PLEKHA5: variants seen among roughly 807,000 people sequenced by gnomAD.
The protein encoded by PLEKHA5 is pleckstrin homology domain containing A5.
PLEKHA5 carries 55 observed loss-of-function variants against 181.9 expected under a neutral mutation model. That is an observed-to-expected ratio of 0.30 (90% confidence interval 0.24 to 0.38). The LOEUF (loss-of-function observed/expected upper bound fraction) is 0.38, where lower values mean the gene tolerates loss of function less well. Among genes scored for constraint, PLEKHA5 ranks in the 10% least tolerant of loss-of-function variants. The probability of loss-of-function intolerance (pLI) is 1.00; values close to 1 mark genes in which losing one functional copy is unlikely to be tolerated. For missense variants in PLEKHA5, 1,432 were observed against 1,549.5 expected (o/e 0.92, Z 1.27); for synonymous variants, 535 against 529.4 (o/e 1.01, Z -0.15).
chr12:19,366,182 G>A, intron 30 of PLEKHA5, 73 bp downstream of exon 30: 2 of 1,278,798 alleles, frequency 1.6e-6, no homozygotes, highest in Non-Finnish European at 2.2e-6. Flanking sequence ...TCCATGGGGA[G>A]ATTCTAAGAA....
intron 15 of PLEKHA5, among the ~76,000 whole-genome samples, chr12:19,295,239 T>G (rs1287677761): frequency 6.6e-6 from 1 of 152,242 alleles, no homozygotes. Flanking sequence ...TAGTTGTTGC[T>G]GAATATTGGA....
In PLEKHA5 at chr12:19,257,484, A is replaced by G; in HGVS notation, c.484A>G (p.Ile162Val). The change falls in exon 6 of 32, where the codon ATT becomes GTT. Residue 162 changes from isoleucine (I) to valine (V), a missense_variant. Physicochemically the swap from Ile to Val is conservative, Grantham distance 29. Coordinates refer to ENST00000429027, the MANE Select transcript of PLEKHA5 (RefSeq NM_001256470.2). ...TAATTTTGGAAAGAGGTCAAATTCA[A>G]TTAAAAGGAATCCTAATGCACCGGT... Reference protein sequence around the residue: ...VHNFGKRSNSIKRNPNAPVVR... With the variant: ...VHNFGKRSNSVKRNPNAPVVR... The G allele has an allele frequency of 3.1e-6, 5 of 1,609,900 alleles. No individual in the cohort carries two copies. In the South Asian group the frequency reaches 3.3e-5, roughly 11 times the overall value.
chr12:19,260,212 T>A (rs2068052825), intron 6 of PLEKHA5, among the ~76,000 whole-genome samples: 1 of 152,216 alleles, frequency 6.6e-6, no homozygotes. Flanking sequence ...TTATTCATAG[T>A]CATTTTAAAT....
chr12:19,170,650 C>G (rs1479865034), intron 3 of PLEKHA5, among the ~76,000 whole-genome samples: 1 of 152,222 alleles, frequency 6.6e-6, no homozygotes, highest in African/African-American at 2.4e-5. Flanking sequence ...GATCTCTTGA[C>G]CTCGTGATCC....
intron 3 of PLEKHA5, among the ~76,000 whole-genome samples, chr12:19,233,611 G>A (rs904130696): frequency 6.6e-6 from 1 of 152,174 alleles, no homozygotes; most frequent in Non-Finnish European, 1.5e-5. Context: ...CAAGGTCAAG[G>A]CTGGCACTTT....
chr12:19,310,193 A>G (rs1046463717), intron 15 of PLEKHA5, among the ~76,000 whole-genome samples: 3 of 152,214 alleles, frequency 2.0e-5, no homozygotes, highest in African/African-American at 7.2e-5. Context: ...TACGTGTACT[A>G]TTTAGTCTTT....
At chr12:19,322,264 G>GA (rs1441146682) in intron 18 of PLEKHA5, 46 bp from the exon 19 acceptor site, 1 of 1,308,708 alleles carries the variant, frequency 7.6e-7, no homozygotes, top group South Asian at 1.2e-5. Context: ...TCCAATTACA[G>GA]AAAAAATAAA....
At chr12:19,294,511 A>ACTAAT (rs886456874) in intron 15 of PLEKHA5, among the ~76,000 whole-genome samples, 3 of 152,192 alleles carry the variant, frequency 2.0e-5, no homozygotes, top group African/African-American at 7.2e-5. Context: ...ATGAACATGT[A>ACTAAT]CTAATCTATT....
chr12:19,266,835 AT>A (rs1437435701), intron 8 of PLEKHA5, among the ~76,000 whole-genome samples: 4 of 152,240 alleles, frequency 2.6e-5, no homozygotes, highest in African/African-American at 7.2e-5. Context: ...AGACAACAAT[AT>A]TTTTTAATAA....
rs1195224553 is a variant in PLEKHA5 at position 19,208,355 on chromosome 12, C to T, written c.228-45585C>T. ...CCAGGAGTCGGAGGTTGCAGTGAAC[C>T]GATATCATGCCATTGCACCCCAGCC... On this transcript the variant is annotated intron_variant, in intron 3 of 31. Coordinates refer to ENST00000429027, the MANE Select transcript of PLEKHA5 (RefSeq NM_001256470.2). Among the ~76,000 whole-genome samples, 8 of 151,538 alleles carry T rather than the reference C, an allele frequency of 5.3e-5. No homozygotes were observed. In the East Asian group the frequency reaches 1.6e-3, roughly 29 times the overall value.
At chr12:19,363,496 C>CTT (rs570959816) in intron 29 of PLEKHA5, among the ~76,000 whole-genome samples, 4 of 138,376 alleles carry the variant, frequency 2.9e-5, no homozygotes, top group Non-Finnish European at 6.3e-5. Flanking sequence ...AACTAGCCTT[C>CTT]TTTTTTTTTT....
At chr12:19,325,191 A>C (rs1260780079) in intron 20 of PLEKHA5, among the ~76,000 whole-genome samples, 1 of 151,556 alleles carries the variant, frequency 6.6e-6, no homozygotes, top group Non-Finnish European at 1.5e-5. Context: ...CAGGAGTTTG[A>C]GACCAAACTG....
chr12:19,241,194 A>G (rs2152452959), intron 3 of PLEKHA5, among the ~76,000 whole-genome samples: 1 of 152,304 alleles, frequency 6.6e-6, no homozygotes. Context: ...CAGCTGTTAT[A>G]TGGTGAGGAC....
At chr12:19,295,287 T>C (rs2079476626) in intron 15 of PLEKHA5, among the ~76,000 whole-genome samples, 1 of 152,222 alleles carries the variant, frequency 6.6e-6, no homozygotes, top group Non-Finnish European at 1.5e-5. Context: ...ACTTGCCAGC[T>C]TCATCCTAAA....
intron 3 of PLEKHA5, chr12:19,147,115 CATGGCCTGCTCAGAG>C (rs912754921): frequency 2.0e-5 from 3 of 152,164 alleles, no homozygotes. Context: ...ACTTAAAATG[CATGGCCTGCTCAGAG>C]TGGTTTAGAA....
At chr12:19,352,840 G>T (rs1592602510) in intron 25 of PLEKHA5, among the ~76,000 whole-genome samples, 1 of 151,754 alleles carries the variant, frequency 6.6e-6, no homozygotes, top group South Asian at 2.1e-4. Context: ...TGTTGCCCAG[G>T]CTGGAGTGCA....
intron 15 of PLEKHA5, among the ~76,000 whole-genome samples, chr12:19,296,579 A>G (rs2152881027): frequency 6.6e-6 from 1 of 152,010 alleles, no homozygotes; most frequent in East Asian, 1.9e-4. Context: ...CAGTGTGCAA[A>G]CCTCAGATCT....
chr12:19,157,204 T>C (rs2041974670), intron 3 of PLEKHA5, among the ~76,000 whole-genome samples: 1 of 151,780 alleles, frequency 6.6e-6, no homozygotes, highest in African/African-American at 2.4e-5. Context: ...GAGTTTAAAA[T>C]TACAAAGAAA....
chr12:19,133,680 G>A (rs1185987902), intron 3 of PLEKHA5, among the ~76,000 whole-genome samples: 2 of 151,892 alleles, frequency 1.3e-5, no homozygotes, highest in African/African-American at 4.8e-5. Context: ...TATTAGGAAT[G>A]CTTGCTTTTG....
Sources: gnomAD v4.1 joint callset for allele counts (sites outside exome capture counted in the v4.1 genomes callset) on GRCh38, gnomAD v4.1.1 for gene constraint, MANE v1.5 for transcripts, NCBI Gene and HGNC (gene_info 2026-07-23, HGNC 2026-07-21) for gene names.